The following TMCC3 variants were observed in gnomAD, a reference collection of about 807,000 sequenced individuals.
TMCC3 encodes transmembrane and coiled-coil domain family 3, also known as transmembrane and coiled-coil domain protein 3.
Under a neutral mutation model 40.2 loss-of-function variants are expected in TMCC3, and 28 were observed. That is an observed-to-expected ratio of 0.70 (90% confidence interval 0.52 to 0.95). The LOEUF (loss-of-function observed/expected upper bound fraction) is 0.95. Ranked by LOEUF, TMCC3 falls within the 40% of genes least tolerant of loss-of-function variation. TMCC3 has a pLI of 0.00. For synonymous variants in TMCC3, 255 were observed against 248.5 expected (o/e 1.03, Z -0.25); for missense variants, 554 against 615.2 (o/e 0.90, Z 1.05).
intron 1 of TMCC3, among the ~76,000 whole-genome samples, chr12:94,632,452 A>G (rs1292464460): frequency 6.6e-6 from 1 of 152,256 alleles, no homozygotes; most frequent in African/African-American, 2.4e-5. Context: ...CAAACTACAT[A>G]CAAATACCAT....
chr12:94,624,034 C>T (rs2068889902), intron 1 of TMCC3, among the ~76,000 whole-genome samples: 1 of 152,250 alleles, frequency 6.6e-6, no homozygotes, highest in East Asian at 1.9e-4. Flanking sequence ...ATTATAACAA[C>T]TGCTTTCATT....
At chr12:94,626,749 G>A (rs1046504001) in intron 1 of TMCC3, among the ~76,000 whole-genome samples, 4 of 152,206 alleles carry the variant, frequency 2.6e-5, no homozygotes, top group African/African-American at 9.6e-5. Context: ...GGTATGAACT[G>A]AGAAAGGGAC....
chr12:94,641,677 G>A (rs1425012370), intron 1 of TMCC3, among the ~76,000 whole-genome samples: 1 of 152,004 alleles, frequency 6.6e-6, no homozygotes, highest in Non-Finnish European at 1.5e-5. Flanking sequence ...GAAAACACTC[G>A]GTGCTAGAAG....
intron 1 of TMCC3, among the ~76,000 whole-genome samples, chr12:94,608,694 T>A (rs1157759413): frequency 1.3e-5 from 2 of 152,164 alleles, no homozygotes; most frequent in East Asian, 3.8e-4. Context: ...CTCAGCCTCT[T>A]AGCTGGACCA....
intron 1 of TMCC3, among the ~76,000 whole-genome samples, chr12:94,587,637 C>A (rs2068645834): frequency 6.6e-6 from 1 of 152,180 alleles, no homozygotes. Flanking sequence ...CCTCCTGGCA[C>A]ACTGAATGAT....
chr12:94,613,300 C>CAATAAT lies in TMCC3; in HGVS notation c.79-30768_79-30763dup, dbSNP rs77049120. 4.6e-4 allele frequency among the ~76,000 whole-genome samples: 69 copies of CAATAAT among 150,314 alleles called. 1 individual carries two copies. The East Asian group carries it at 7.3e-3, about 16-fold the overall frequency. ...TAACATGATGAAATGCTGTCTCTAC[C>CAATAAT]AATAATAATAATAATAATAATTAGC... On this transcript the variant is annotated intron_variant, in intron 1 of 3. Transcript: ENST00000261226.
chr12:94,577,441 G>A (rs1175143568), intron 3 of TMCC3, among the ~76,000 whole-genome samples: 2 of 152,122 alleles, frequency 1.3e-5, no homozygotes, highest in Non-Finnish European at 2.9e-5. Flanking sequence ...AACCGCCTTG[G>A]CCTCCCAAAG....
chr12:94,649,294 G>A (rs1279712332), intron 1 of TMCC3, among the ~76,000 whole-genome samples: 2 of 152,194 alleles, frequency 1.3e-5, no homozygotes, highest in African/African-American at 4.8e-5. Flanking sequence ...AAAGGGCCGC[G>A]ACACAACCCC....
chr12:94,602,375 A>G (rs1211758477), intron 1 of TMCC3, among the ~76,000 whole-genome samples: 1 of 152,230 alleles, frequency 6.6e-6, no homozygotes, highest in East Asian at 1.9e-4. Flanking sequence ...AAATAACTAA[A>G]TCTAGGAACA....
chr12:94,642,823 A>G (rs1189861572), intron 1 of TMCC3, among the ~76,000 whole-genome samples: 1 of 152,200 alleles, frequency 6.6e-6, no homozygotes, highest in Non-Finnish European at 1.5e-5. Context: ...AATTCTCACA[A>G]CAGTCCTCCA....
At position 94,570,311 on chromosome 12, in the gene TMCC3, T is replaced by C. The variant is rs1409703322; in HGVS notation, c.*1124A>G. 1 of 152,244 alleles carries C rather than the reference T, an allele frequency of 6.6e-6. No individual in the cohort carries two copies. The highest frequency in any genetic ancestry group is 2.4e-5 in the African/African-American group (1 of 41,456). 9.4% of individuals were successfully genotyped at this position (152,244 alleles called of 1,614,324 possible). A position where few individuals can be genotyped will look rare whatever the true frequency, so the allele number is the denominator to read the frequency against. Reference sequence around the variant, plus strand: ...CAGTGCACTTGAACTTTAGAGGCTATGGTTCGGTTGTCCTTCAAGGAAAAA... The same window carrying C: ...CAGTGCACTTGAACTTTAGAGGCTACGGTTCGGTTGTCCTTCAAGGAAAAA... On this transcript the variant is annotated 3_prime_UTR_variant, in exon 4 of 4. Coordinates refer to ENST00000261226, the MANE Select transcript of TMCC3 (RefSeq NM_020698.4).
In TMCC3 at chr12:94,605,776, T is replaced by C. The variant is rs571857750; in HGVS notation, c.79-23238A>G. ...AAATGGCAGGACTTAAAGATGACTT[T>C]CCTGAAGAGTGCAATGCCTTCTGTC... is the stretch of plus-strand genomic sequence containing the variant. On this transcript the variant is annotated intron_variant, in intron 1 of 3. Coordinates refer to ENST00000261226, the MANE Select transcript of TMCC3 (RefSeq NM_020698.4). Among the ~76,000 whole-genome samples the C allele has an allele frequency of 1.2e-4, 19 of 152,288 alleles. No homozygotes were observed. In the South Asian group the frequency reaches 3.7e-3, roughly 30 times the overall value.
intron 1 of TMCC3, among the ~76,000 whole-genome samples, chr12:94,646,524 C>T (rs1461204036): frequency 2.0e-5 from 3 of 148,332 alleles, no homozygotes; most frequent in Non-Finnish European, 4.4e-5. Context: ...CTGCAATCTC[C>T]GCCTCCCGGG....
At chr12:94,597,124 C>A (rs12827549) in intron 1 of TMCC3, among the ~76,000 whole-genome samples, 2,493 of 29,732 alleles carry the variant, frequency 0.084, 106 homozygotes, top group South Asian at 0.25. Context: ...TATTAAAATA[C>A]ATATATATAT....
chr12:94,584,072 T>G (rs1335961577), intron 1 of TMCC3, among the ~76,000 whole-genome samples: 8 of 152,112 alleles, frequency 5.3e-5, no homozygotes, highest in Non-Finnish European at 1.0e-4. Flanking sequence ...TTAATGAATC[T>G]CCCACTAAGT....
chr12:94,629,579 TCTA>T (rs1192414312), intron 1 of TMCC3, among the ~76,000 whole-genome samples: 1 of 152,170 alleles, frequency 6.6e-6, no homozygotes, highest in Non-Finnish European at 1.5e-5. Context: ...CCTTACATTT[TCTA>T]CTGAGACCTC....
intron 1 of TMCC3, among the ~76,000 whole-genome samples, chr12:94,588,151 G>T (rs975554756): frequency 2.6e-5 from 4 of 152,182 alleles, no homozygotes; most frequent in African/African-American, 9.7e-5. Flanking sequence ...CACGGGCACA[G>T]CAACTCAGTC....
intron 1 of TMCC3, among the ~76,000 whole-genome samples, chr12:94,622,606 T>C (rs1364915407): frequency 1.3e-5 from 2 of 152,142 alleles, no homozygotes; most frequent in Non-Finnish European, 2.9e-5. Flanking sequence ...TCAGGAAACC[T>C]TTCTAGTCCA....
chr12:94,603,750 T>C (rs1291409561), intron 1 of TMCC3, among the ~76,000 whole-genome samples: 1 of 152,202 alleles, frequency 6.6e-6, no homozygotes, highest in Non-Finnish European at 1.5e-5. Flanking sequence ...ACATTTAAGA[T>C]GTATACACTT....
Sources: gnomAD v4.1 joint callset for allele counts (sites outside exome capture counted in the v4.1 genomes callset) on GRCh38, gnomAD v4.1.1 for gene constraint, MANE v1.5 for transcripts, NCBI Gene and HGNC (gene_info 2026-07-23, HGNC 2026-07-21) for gene names.